The following WWOX variants were observed in gnomAD, a reference collection of about 807,000 sequenced individuals.
WWOX encodes WW domain-containing oxidoreductase.
WWOX carries 69 observed loss-of-function variants against 46.2 expected under a neutral mutation model. That is an observed-to-expected ratio of 1.49 (90% CI 1.23 to 1.82). WWOX has a LOEUF of 1.82. Ranked by LOEUF, WWOX falls within the 40% of genes most tolerant of loss-of-function variation. WWOX has a pLI of 0.00. For synonymous variants in WWOX, 359 were observed against 202.6 expected (o/e 1.77, Z -6.56); for missense variants, 919 against 542.6 (o/e 1.69, Z -6.89).
intron 8 of WWOX, among the ~76,000 whole-genome samples, chr16:79,045,465 C>G (rs1195131889): frequency 1.3e-5 from 2 of 152,144 alleles, no homozygotes; most frequent in Non-Finnish European, 2.9e-5. Flanking sequence ...GGCAAAGTTG[C>G]CAGCTGACCT....
intron 8 of WWOX, among the ~76,000 whole-genome samples, chr16:79,087,873 G>A (rs1408677577): frequency 4.6e-5 from 7 of 152,226 alleles, no homozygotes; most frequent in South Asian, 4.2e-4. Flanking sequence ...TTCAGGCCTC[G>A]GAAAGGACAG....
intron 8 of WWOX, among the ~76,000 whole-genome samples, chr16:78,699,702 G>T (rs573137634): frequency 3.3e-5 from 5 of 152,192 alleles, no homozygotes; most frequent in African/African-American, 1.2e-4. Context: ...GATATCTACA[G>T]CCTCTACCAG....
intron 8 of WWOX, among the ~76,000 whole-genome samples, chr16:78,770,390 C>T (rs916607548): frequency 7.2e-5 from 11 of 152,092 alleles, no homozygotes; most frequent in African/African-American, 2.7e-4. Flanking sequence ...TCCAAGAATA[C>T]AGATTTGGGA....
chr16:78,913,903 C>T (rs546803669), intron 8 of WWOX, among the ~76,000 whole-genome samples: 3 of 151,952 alleles, frequency 2.0e-5, no homozygotes, highest in African/African-American at 4.8e-5. Flanking sequence ...TCAAGTGATC[C>T]TCCTGCCTTG....
intron 5 of WWOX, chr16:78,168,521 A>G (rs1435828618): frequency 1.3e-5 from 2 of 151,264 alleles, no homozygotes; most frequent in Non-Finnish European, 2.9e-5. Context: ...ACAGCTGGTG[A>G]GCTCAGAGTC....
intron 8 of WWOX, chr16:79,110,684 C>G (rs188886900): frequency 2.6e-5 from 4 of 152,236 alleles, no homozygotes; most frequent in Non-Finnish European, 5.9e-5. Context: ...CTCTTGTAGT[C>G]AGGGAAATGA....
intron 5 of WWOX, among the ~76,000 whole-genome samples, chr16:78,287,262 G>A (rs928792858): frequency 5.9e-5 from 9 of 152,050 alleles, no homozygotes; most frequent in Non-Finnish European, 7.4e-5. Flanking sequence ...TCTTTGAAAC[G>A]GTTTTAAATT....
At chr16:78,624,454 T>C (rs941544730) in intron 8 of WWOX, among the ~76,000 whole-genome samples, 1 of 152,224 alleles carries the variant, frequency 6.6e-6, no homozygotes, top group African/African-American at 2.4e-5. Context: ...TACTGACTCA[T>C]ATCTTATTTC....
chr16:78,569,709 C>A (rs1231459344), intron 8 of WWOX, among the ~76,000 whole-genome samples: 2 of 152,148 alleles, frequency 1.3e-5, no homozygotes, highest in South Asian at 2.1e-4. Context: ...CCTGCAATAA[C>A]GATACTAATT....
intron 8 of WWOX, chr16:79,205,542 A>C (rs1263501048): frequency 6.6e-6 from 1 of 152,184 alleles, no homozygotes; most frequent in Non-Finnish European, 1.5e-5. Context: ...ACTTTCTCAC[A>C]CTTCTAAAGC....
At chr16:79,003,378 C>T (rs1362320351) in intron 8 of WWOX, among the ~76,000 whole-genome samples, 1 of 152,190 alleles carries the variant, frequency 6.6e-6, no homozygotes, top group Non-Finnish European at 1.5e-5. Flanking sequence ...TATATGGTTT[C>T]ATTTCATCCT....
intron 8 of WWOX, among the ~76,000 whole-genome samples, chr16:79,018,830 G>A (rs2047469975): frequency 6.6e-6 from 1 of 152,072 alleles, no homozygotes; most frequent in Non-Finnish European, 1.5e-5. Context: ...GATTCATTAT[G>A]CAAATAATGG....
At chr16:78,171,585 G>A (rs983899264) in intron 5 of WWOX, among the ~76,000 whole-genome samples, 1 of 152,114 alleles carries the variant, frequency 6.6e-6, no homozygotes, top group Non-Finnish European at 1.5e-5. Flanking sequence ...AAGTCACAGG[G>A]CTTATCTCCA....
At chr16:78,757,431 G>C (rs919015018) in intron 8 of WWOX, among the ~76,000 whole-genome samples, 2 of 152,076 alleles carry the variant, frequency 1.3e-5, no homozygotes, top group Non-Finnish European at 2.9e-5. Context: ...TGTACCTCTT[G>C]CCTCATCAGT....
chr16:78,799,313 G>A (rs1183970632), intron 8 of WWOX, among the ~76,000 whole-genome samples: 1 of 152,074 alleles, frequency 6.6e-6, no homozygotes. Context: ...AAAACCCCAG[G>A]GTAGATGCTA....
chr16:78,209,131 T>A (rs2036480944), intron 5 of WWOX, among the ~76,000 whole-genome samples: 1 of 152,216 alleles, frequency 6.6e-6, no homozygotes, highest in South Asian at 2.1e-4. Flanking sequence ...TGTTTGAATT[T>A]TTAAAATAGG....
chr16:78,741,429 G>T (rs967215033), intron 8 of WWOX, among the ~76,000 whole-genome samples: 3 of 152,106 alleles, frequency 2.0e-5, no homozygotes, highest in Admixed American at 1.3e-4. Flanking sequence ...GCGTGGTGGC[G>T]CATGTCTGTA....
chr16:78,719,562 A>G (rs936961677), intron 8 of WWOX, among the ~76,000 whole-genome samples: 1 of 152,190 alleles, frequency 6.6e-6, no homozygotes, highest in Non-Finnish European at 1.5e-5. Flanking sequence ...GAGAAGGGGG[A>G]CTTTAAGGTT....
chr16:78,102,159 A>G (rs946951420), intron 1 of WWOX, among the ~76,000 whole-genome samples: 1 of 152,250 alleles, frequency 6.6e-6, no homozygotes, highest in Middle Eastern at 3.4e-3. Flanking sequence ...AACTCAAGCC[A>G]GCCTCCCTCC....
Sources: allele counts gnomAD v4.1 joint callset (sites outside exome capture counted in the v4.1 genomes callset), GRCh38; gene constraint gnomAD v4.1.1; transcripts MANE v1.5; gene names NCBI Gene and HGNC (gene_info 2026-07-23, HGNC 2026-07-21).